TEAD1: variants seen among roughly 807,000 people sequenced by gnomAD.
The protein encoded by TEAD1 is transcriptional enhancer factor TEF-1.
TEAD1 carries 9 observed loss-of-function variants against 54.9 expected under a neutral mutation model. The ratio of observed to expected loss-of-function variants is 0.16; its 90% CI spans 0.10 to 0.29. The LOEUF is 0.29. Ranked by LOEUF, TEAD1 falls within the 10% of genes least tolerant of loss-of-function variation. The probability of loss-of-function intolerance (pLI) is 1.00; values close to 1 mark genes in which losing one functional copy is unlikely to be tolerated. For synonymous variants in TEAD1, 200 were observed against 187.8 expected (o/e 1.07, Z -0.53); for missense variants, 387 against 535.9 (o/e 0.72, Z 2.74).
intron 2 of TEAD1, among the ~76,000 whole-genome samples, chr11:12,719,006 G>GC (rs1214225493): frequency 6.9e-6 from 1 of 145,228 alleles, no homozygotes; most frequent in Non-Finnish European, 1.5e-5. Flanking sequence ...TTTTTTTTAG[G>GC]GGGGGGAGTC....
Position 12,883,002 on chromosome 11 carries a change from G to A in TEAD1, c.576G>A (p.Gly192=), listed in dbSNP as rs907755261. 6.2e-7 allele frequency: 1 copy of A among 1,614,032 alleles called. No individual in the cohort carries two copies. The highest frequency in any genetic ancestry group is 1.3e-5 in the African/African-American group (1 of 74,912). ...CAAAGGTGACGATTGCTCTTTCAGG[G>A]TTTGAGCCTGCATCGGCCCCAGCTC... Residue 192 remains glycine (G), a splice_region_variant and synonymous_variant, in exon 9 of 13, where the codon GGG becomes GGA. Coordinates refer to ENST00000527636, the MANE Select transcript of TEAD1 (RefSeq NM_021961.6).
intron 3 of TEAD1, among the ~76,000 whole-genome samples, chr11:12,807,070 G>A (rs1946187812): frequency 6.6e-6 from 1 of 152,152 alleles, no homozygotes; most frequent in Admixed American, 6.5e-5. Flanking sequence ...AAAATACAGA[G>A]CATCACAGCA....
rs142413173 is a variant in TEAD1 at position 12,762,700 on chromosome 11, T to C, written c.-54-1479T>C. Among the ~76,000 whole-genome samples, 614 of 152,302 alleles carry C rather than the reference T, an allele frequency of 4.0e-3. 6 individuals carry two copies. The highest frequency in any genetic ancestry group is 0.014 in the African/African-American group (578 of 41,552). On this transcript the variant is annotated intron_variant, in intron 2 of 12. Transcript: ENST00000527636. ...AGAAGCCAAAAGTGCCCACTAGTTA[T>C]AGTTATACCATTAATTATATAATAT...
Position 12,941,438 on chromosome 11 carries a change from CAA to C in TEAD1, c.*4217_*4218del, listed in dbSNP as rs1295449111. 1 of 152,186 alleles carries C rather than the reference CAA, an allele frequency of 6.6e-6. No individual in the cohort carries two copies. Among genetic ancestry groups the C allele is most frequent in the African/African-American group, 2.4e-5 (1 of 41,438 alleles). 9.4% of individuals were successfully genotyped at this position (152,186 alleles called of 1,614,324 possible). ...AAAGTCCCCGAACGACTTTTAAACCCAAGTCTTCTTAAGGTTTCAGTACTGTG... is the reference window on the plus strand; with the variant it reads ...AAAGTCCCCGAACGACTTTTAAACCCGTCTTCTTAAGGTTTCAGTACTGTG... On this transcript the variant is annotated 3_prime_UTR_variant, in exon 13 of 13. Transcript: ENST00000527636.
intron 9 of TEAD1, among the ~76,000 whole-genome samples, chr11:12,893,841 T>C (rs1487255240): frequency 2.6e-5 from 4 of 152,212 alleles, no homozygotes; most frequent in Admixed American, 6.5e-5. Context: ...GCTGGTGCCC[T>C]GGACAGTGAG....
At chr11:12,861,293 C>CAG (rs1947495875) in intron 3 of TEAD1, among the ~76,000 whole-genome samples, 2 of 152,274 alleles carry the variant, frequency 1.3e-5, no homozygotes, top group South Asian at 2.1e-4. Flanking sequence ...TCTGAGACTT[C>CAG]TCAGTTTCCT....
Position 12,940,997 on chromosome 11 carries a change from A to G in TEAD1, c.*3775A>G, listed in dbSNP as rs550393485. 6.6e-6 allele frequency: 1 copy of G among 152,334 alleles called. No homozygotes were observed. Among genetic ancestry groups the G allele is most frequent in the South Asian group, 2.1e-4 (1 of 4,822 alleles). 9.4% of individuals were successfully genotyped at this position (152,334 alleles called of 1,614,324 possible). A position where few individuals can be genotyped will look rare whatever the true frequency, so the allele number is the denominator to read the frequency against. On this transcript the variant is annotated 3_prime_UTR_variant, in exon 13 of 13. Transcript: ENST00000527636. Reference sequence around the variant, plus strand: ...AAGTTGAGGCCAGAGGGGAGGTGACATGTTTAGAGTCACCCAGCTGGTTAG... The same window carrying G: ...AAGTTGAGGCCAGAGGGGAGGTGACGTGTTTAGAGTCACCCAGCTGGTTAG...
chr11:12,844,623 T>A (rs1947103241), intron 3 of TEAD1, among the ~76,000 whole-genome samples: 1 of 152,198 alleles, frequency 6.6e-6, no homozygotes, highest in Non-Finnish European at 1.5e-5. Context: ...GAGCATTTGC[T>A]GACTTCAGAG....
chr11:12,738,800 T>C (rs1274703055), intron 2 of TEAD1, among the ~76,000 whole-genome samples: 1 of 152,196 alleles, frequency 6.6e-6, no homozygotes, highest in East Asian at 1.9e-4. Context: ...TTTTCATCAG[T>C]TAATTAATTA....
intron 2 of TEAD1, among the ~76,000 whole-genome samples, chr11:12,717,301 A>G (rs528601648): frequency 6.6e-6 from 1 of 152,280 alleles, no homozygotes; most frequent in East Asian, 1.9e-4. Context: ...TTGGATTTGA[A>G]TTTCTGTCAC....
chr11:12,895,724 G>C (rs1166747292), intron 9 of TEAD1, among the ~76,000 whole-genome samples: 1 of 152,178 alleles, frequency 6.6e-6, no homozygotes, highest in East Asian at 1.9e-4. Context: ...GCAGTATTCT[G>C]CTCCTTCATG....
intron 3 of TEAD1, among the ~76,000 whole-genome samples, chr11:12,857,999 G>C (rs544674365): frequency 1.3e-4 from 20 of 152,298 alleles, no homozygotes; most frequent in African/African-American, 4.6e-4. Flanking sequence ...GTGCTACTTG[G>C]AGAGCTAAGG....
intron 3 of TEAD1, among the ~76,000 whole-genome samples, chr11:12,816,096 G>A (rs1196089337): frequency 6.6e-6 from 1 of 152,156 alleles, no homozygotes; most frequent in Non-Finnish European, 1.5e-5. Flanking sequence ...TCTTCTGTTG[G>A]GCAGTCACGG....
intron 3 of TEAD1, among the ~76,000 whole-genome samples, chr11:12,820,625 G>A (rs1354782963): frequency 1.3e-5 from 2 of 152,066 alleles, no homozygotes; most frequent in African/African-American, 2.4e-5. Context: ...GAGGAAATGC[G>A]ATTATACAAA....
At chr11:12,854,434 T>A (rs1947332245) in intron 3 of TEAD1, among the ~76,000 whole-genome samples, 1 of 152,128 alleles carries the variant, frequency 6.6e-6, no homozygotes, top group South Asian at 2.1e-4. Context: ...TCTTATAGTC[T>A]CATTCAGATA....
intron 2 of TEAD1, among the ~76,000 whole-genome samples, chr11:12,719,384 G>GTCCCATGAGCTTCCTGAGAGAGA (rs1385617252): frequency 7.9e-5 from 12 of 152,192 alleles, no homozygotes; most frequent in Admixed American, 4.6e-4. Flanking sequence ...GTGAGATTCT[G>GTCCCATGAGCTTCCTGAGAGAGA]TCCCATGAGC....
chr11:12,777,352 T>C (rs1256142165), intron 3 of TEAD1, among the ~76,000 whole-genome samples: 3 of 152,216 alleles, frequency 2.0e-5, no homozygotes, highest in African/African-American at 4.8e-5. Context: ...AAGGTCCCAA[T>C]TGCTCACTGT....
intron 4 of TEAD1, among the ~76,000 whole-genome samples, chr11:12,864,088 A>G (rs1947562112): frequency 6.7e-6 from 1 of 149,184 alleles, no homozygotes; most frequent in African/African-American, 2.5e-5. Context: ...AAAAAAAAAT[A>G]GCTCTGCTAA....
At chr11:12,818,514 C>T (rs912360034) in intron 3 of TEAD1, among the ~76,000 whole-genome samples, 4 of 152,118 alleles carry the variant, frequency 2.6e-5, no homozygotes, top group African/African-American at 4.8e-5. Flanking sequence ...GCCCTGAGTC[C>T]GGCATCCGGC....
Sources: allele counts gnomAD v4.1 joint callset (sites outside exome capture counted in the v4.1 genomes callset), GRCh38; gene constraint gnomAD v4.1.1; transcripts MANE v1.5; gene names NCBI Gene and HGNC (gene_info 2026-07-23, HGNC 2026-07-21).